Variants in LINGO2 observed in about 807,000 individuals in gnomAD.
LINGO2 encodes leucine rich repeat and Ig domain containing 2.
LINGO2 carries 14 observed loss-of-function variants against 30.6 expected under a neutral mutation model. That is an observed-to-expected ratio of 0.46 (90% CI 0.30 to 0.72). The LOEUF (loss-of-function observed/expected upper bound fraction) is 0.72. Among genes scored for constraint, LINGO2 ranks in the 30% least tolerant of loss-of-function variants. The pLI, the probability that LINGO2 is intolerant of heterozygous loss-of-function variation, is 0.07. For synonymous variants in LINGO2, 317 were observed against 288.5 expected, an observed-to-expected ratio of 1.10 and a Z score of -1.00; for missense variants, 729 against 751.7, an observed-to-expected ratio of 0.97 and a Z score of 0.35.
chr9:28,450,972 C>T (rs1193420568), intron 2 of LINGO2, among the ~76,000 whole-genome samples: 1 of 151,902 alleles, frequency 6.6e-6, no homozygotes, highest in Admixed American at 6.6e-5. Flanking sequence ...TCCTTTCCTT[C>T]ATTTTGAATA....
chr9:28,321,648 G>A (rs1005373165), intron 3 of LINGO2, among the ~76,000 whole-genome samples: 7 of 152,078 alleles, frequency 4.6e-5, no homozygotes, highest in African/African-American at 1.2e-4. Context: ...GCTATAATAG[G>A]GCCAAGAAAC....
At chr9:28,915,103 G>C in the LINGO2 span, among the ~76,000 whole-genome samples, 46 of 152,298 alleles carry the variant, frequency 3.0e-4, no homozygotes, top group African/African-American at 1.0e-3. Flanking sequence ...TTGCACTCCA[G>C]GCTGGCGACA....
intron 4 of LINGO2, among the ~76,000 whole-genome samples, chr9:28,118,041 T>C (rs974939735): frequency 2.1e-5 from 3 of 142,356 alleles, no homozygotes; most frequent in African/African-American, 7.9e-5. Flanking sequence ...TAAGAACACA[T>C]GGACATAGGG....
At chr9:28,525,580 C>T (rs1363597424) in intron 1 of LINGO2, among the ~76,000 whole-genome samples, 1 of 152,114 alleles carries the variant, frequency 6.6e-6, no homozygotes, top group African/African-American at 2.4e-5. Context: ...CCACATATTG[C>T]AGATCCTATT....
intron 5 of LINGO2, among the ~76,000 whole-genome samples, chr9:27,980,769 C>T (rs1563877928): frequency 6.6e-6 from 1 of 151,812 alleles, no homozygotes; most frequent in Non-Finnish European, 1.5e-5. Context: ...ATTCCCTTAG[C>T]CCTTGCACAG....
At chr9:27,986,027 T>C (rs1366494097) in intron 5 of LINGO2, among the ~76,000 whole-genome samples, 1 of 151,836 alleles carries the variant, frequency 6.6e-6, no homozygotes, top group Non-Finnish European at 1.5e-5. Context: ...AAATTCCTTT[T>C]AGAAAGTAAA....
At chr9:28,229,487 A>G (rs989590798) in intron 4 of LINGO2, among the ~76,000 whole-genome samples, 37 of 151,758 alleles carry the variant, frequency 2.4e-4, no homozygotes, top group African/African-American at 8.9e-4. Context: ...AGGAGGAGGA[A>G]GGAAAGGTAA....
the LINGO2 span, among the ~76,000 whole-genome samples, chr9:29,100,474 A>G: frequency 5.1e-4 from 77 of 152,060 alleles, no homozygotes; most frequent in Middle Eastern, 6.8e-3. Flanking sequence ...CACTCCTGTA[A>G]TCCCAGCTAC....
At chr9:28,063,745 T>G (rs1201702126) in intron 4 of LINGO2, among the ~76,000 whole-genome samples, 1 of 152,140 alleles carries the variant, frequency 6.6e-6, no homozygotes, top group East Asian at 1.9e-4. Flanking sequence ...TAAAAATGGT[T>G]TATATTTCTC....
chr9:29,104,966 G>C, the LINGO2 span, among the ~76,000 whole-genome samples: 3 of 152,252 alleles, frequency 2.0e-5, no homozygotes, highest in South Asian at 6.2e-4. Context: ...TCTGCATATG[G>C]ACAAATGGGA....
the LINGO2 span, among the ~76,000 whole-genome samples, chr9:29,029,360 A>G: frequency 6.6e-6 from 1 of 152,314 alleles, no homozygotes; most frequent in South Asian, 2.1e-4. Context: ...ATAATGCAGC[A>G]TAATAATTGA....
the LINGO2 span, among the ~76,000 whole-genome samples, chr9:28,833,575 A>T: frequency 6.6e-6 from 1 of 152,214 alleles, no homozygotes; most frequent in Admixed American, 6.5e-5. Flanking sequence ...ATTATCAAAG[A>T]AAAGGATTTA....
chr9:28,331,401 C>A (rs189684136), intron 3 of LINGO2, among the ~76,000 whole-genome samples: 66 of 152,244 alleles, frequency 4.3e-4, no homozygotes, highest in Non-Finnish European at 7.1e-4. Flanking sequence ...GTTCTAATCA[C>A]TTCTAGAAAC....
At chr9:28,097,438 A>G (rs1480883038) in intron 4 of LINGO2, among the ~76,000 whole-genome samples, 1 of 146,570 alleles carries the variant, frequency 6.8e-6, no homozygotes, top group Non-Finnish European at 1.5e-5. Context: ...ACCAACCCAA[A>G]TGTCCAACAA....
intron 4 of LINGO2, among the ~76,000 whole-genome samples, chr9:28,245,917 T>G (rs542113721): frequency 1.6e-4 from 24 of 152,278 alleles, no homozygotes; most frequent in Non-Finnish European, 2.6e-4. Flanking sequence ...ACCATTAACA[T>G]TCTTCACAGA....
rs80008393 is a variant in LINGO2, at chr9:28,606,486, C to T, written c.-365+63714G>A. On this transcript the variant is annotated intron_variant, in intron 1 of 5. Coordinates refer to ENST00000379992, the Ensembl canonical transcript of LINGO2. ...CCACTATTCCTGTGACCTATCAATA[C>T]AAGCTATTTTACACTTTTTAACTAT... Among the ~76,000 whole-genome samples, 11 of 152,058 alleles carry T rather than the reference C, an allele frequency of 7.2e-5. No individual in the cohort carries two copies. In the East Asian group the frequency reaches 1.5e-3, roughly 21 times the overall value.
chr9:28,534,339 A>C (rs1821345493), intron 1 of LINGO2, among the ~76,000 whole-genome samples: 1 of 151,998 alleles, frequency 6.6e-6, no homozygotes, highest in South Asian at 2.1e-4. Context: ...GTTCTTTTGG[A>C]TCCTTAGATG....
chr9:29,086,538 G>A, the LINGO2 span, among the ~76,000 whole-genome samples: 41 of 151,978 alleles, frequency 2.7e-4, no homozygotes, highest in African/African-American at 9.9e-4. Flanking sequence ...TTAAAAAATT[G>A]GGCAAGTTCC....
chr9:28,233,061 T>TATACATACAA (rs60875467), intron 4 of LINGO2, among the ~76,000 whole-genome samples: 5 of 118,818 alleles, frequency 4.2e-5, no homozygotes, highest in Middle Eastern at 4.3e-3. Context: ...TATATATATA[T>TATACATACAA]TAGATATATA....
Sources: gnomAD v4.1 joint callset for allele counts (sites outside exome capture counted in the v4.1 genomes callset) on GRCh38, gnomAD v4.1.1 for gene constraint, MANE v1.5 for transcripts, NCBI Gene and HGNC (gene_info 2026-07-23, HGNC 2026-07-21) for gene names.